PDXDC1: variants seen among roughly 807,000 people sequenced by gnomAD.
PDXDC1 encodes pyridoxal dependent decarboxylase domain containing 1, also known as pyridoxal-dependent decarboxylase domain-containing protein 1.
PDXDC1 carries 42 observed loss-of-function variants against 100.1 expected under a neutral mutation model. The ratio of observed to expected loss-of-function variants is 0.42; its 90% CI spans 0.33 to 0.54. The LOEUF (loss-of-function observed/expected upper bound fraction) is 0.54. Ranked by LOEUF, PDXDC1 falls within the 20% of genes least tolerant of loss-of-function variation. The probability of loss-of-function intolerance (pLI) is 0.10; values close to 1 mark genes in which losing one functional copy is unlikely to be tolerated. For missense variants in PDXDC1, 636 were observed against 979.2 expected (o/e 0.65, Z 4.68); for synonymous variants, 260 against 371.7 (o/e 0.70, Z 3.46).
At chr16:15,149,654 G>A in the PDXDC1 span, among the ~76,000 whole-genome samples, 1 of 152,212 alleles carries the variant, frequency 6.6e-6, no homozygotes, top group African/African-American at 2.4e-5. Flanking sequence ...GCAAGGCCCT[G>A]GGTGCTCCTA....
intron 16 of PDXDC1, among the ~76,000 whole-genome samples, chr16:15,114,953 C>CA (rs1379911293): frequency 1.7e-5 from 2 of 116,108 alleles, no homozygotes; most frequent in East Asian, 2.7e-4. Flanking sequence ...TTTTTTGAGA[C>CA]AGAGTTCTGC....
At chr16:15,008,638 C>A in intron 6 of PDXDC1, 141 bp from the exon 7 acceptor site, 1 of 633,138 alleles carries the variant, frequency 1.6e-6, no homozygotes, top group Non-Finnish European at 2.6e-6. Context: ...ACTTTAACAT[C>A]AATTTATAAT....
downstream of PDXDC1, chr16:15,041,188 T>A: frequency 9.4e-7 from 1 of 1,065,696 alleles, no homozygotes; most frequent in Non-Finnish European, 1.5e-6. Context: ...TTACTTTGTA[T>A]AATAAAGGCG....
chr16:15,092,601 G>A (rs202026072), intron 16 of PDXDC1: 16 of 1,606,820 alleles, frequency 1.0e-5, no homozygotes, highest in Non-Finnish European at 1.2e-5. Context: ...TCTAATGCAC[G>A]CATATTTGAA....
At chr16:15,058,199 C>T (rs1370323463) in intron 16 of PDXDC1, among the ~76,000 whole-genome samples, 13 of 151,960 alleles carry the variant, frequency 8.6e-5, no homozygotes, top group Admixed American at 7.2e-4. Flanking sequence ...CCCAGCTACT[C>T]GGGAGGATCA....
chr16:15,052,466 G>A (rs1280635101), intron 16 of PDXDC1, among the ~76,000 whole-genome samples: 1 of 152,118 alleles, frequency 6.6e-6, no homozygotes, highest in Non-Finnish European at 1.5e-5. Context: ...CTGCTGTCCT[G>A]TTTATCAATT....
At chr16:15,032,203 G>T in intron 17 of PDXDC1, 1 of 395,508 alleles carries the variant, frequency 2.5e-6, no homozygotes, top group Non-Finnish European at 4.6e-6. Context: ...TTACTATCCA[G>T]GGCATATAGA....
Position 15,136,463 on chromosome 16 carries a change from C to T in PDXDC1, c.1400-2416C>T, listed in dbSNP as rs373343631. ...GCGCCACCTGCTCACCAGGGCCGGC[C>T]CAGCTCCCACCTCCCTCCTCCTGAG... On this transcript the variant is annotated intron_variant, in intron 16 of 16. Transcript: ENST00000535621. 346 of 624,060 alleles carry T rather than the reference C, an allele frequency of 5.5e-4. 3 individuals are homozygous for T. The highest frequency in any genetic ancestry group is 5.4e-3 in the East Asian group (195 of 36,434). 38.7% of individuals were successfully genotyped at this position (624,060 alleles called of 1,614,324 possible).
intron 8 of PDXDC1, among the ~76,000 whole-genome samples, chr16:15,013,929 G>A (rs182556198): frequency 1.8e-4 from 28 of 152,048 alleles, no homozygotes; most frequent in Middle Eastern, 3.4e-3. Context: ...TATTTAGGCC[G>A]GGTGCGGTGG....
chr16:15,069,038 T>C (rs1243981046), intron 16 of PDXDC1, among the ~76,000 whole-genome samples: 1 of 152,230 alleles, frequency 6.6e-6, no homozygotes, highest in Non-Finnish European at 1.5e-5. Flanking sequence ...TTACTTACCT[T>C]GTGATAAAAC....
chr16:15,082,391 G>C (rs1048818776), intron 16 of PDXDC1, among the ~76,000 whole-genome samples: 6 of 151,726 alleles, frequency 4.0e-5, no homozygotes, highest in African/African-American at 1.5e-4. Flanking sequence ...ACTCAATCTC[G>C]GCCGGTCACG....
At chr16:14,974,978 G>A, upstream of PDXDC1, 3 of 1,535,156 alleles carry the variant, frequency 2.0e-6, no homozygotes, top group East Asian at 4.9e-5. Context: ...GCCCAGGTAC[G>A]GAATCCCAGA....
chr16:14,980,586 C>T (rs146049991), intron 1 of PDXDC1, among the ~76,000 whole-genome samples: 25 of 152,264 alleles, frequency 1.6e-4, no homozygotes, highest in Non-Finnish European at 2.2e-4. Context: ...CCCAGGTTCA[C>T]GCCATTCTTC....
chr16:15,040,768 G>C (rs2043778693), downstream of PDXDC1, among the ~76,000 whole-genome samples: 1 of 152,172 alleles, frequency 6.6e-6, no homozygotes, highest in South Asian at 2.1e-4. Context: ...TGGGGGGAGA[G>C]GGAAACAAAA....
At chr16:15,098,954 C>T (rs1327713341) in intron 16 of PDXDC1, among the ~76,000 whole-genome samples, 3 of 152,164 alleles carry the variant, frequency 2.0e-5, no homozygotes, top group Non-Finnish European at 2.9e-5. Flanking sequence ...TCTCTCTAGC[C>T]AGTGTCGATT....
intron 16 of PDXDC1, chr16:15,086,113 C>T (rs1467404145): frequency 5.6e-6 from 9 of 1,604,690 alleles, no homozygotes; most frequent in South Asian, 2.2e-5. Flanking sequence ...AAATAAAATT[C>T]CAAGCAATGA....
chr16:15,148,807 G>A, the PDXDC1 span, among the ~76,000 whole-genome samples: 3 of 152,120 alleles, frequency 2.0e-5, no homozygotes, highest in South Asian at 6.2e-4. Context: ...TGCAGTGGGC[G>A]CTCGGGTGCC....
chr16:15,041,788 C>G (rs1303565389), downstream of PDXDC1: 1 of 778,542 alleles, frequency 1.3e-6, no homozygotes, highest in Non-Finnish European at 2.3e-6. Context: ...GTGTGCTCCG[C>G]CCTACAGCCC....
intron 1 of PDXDC1, chr16:14,989,940 C>G (rs1461715876): frequency 6.8e-7 from 1 of 1,471,426 alleles, no homozygotes; most frequent in African/African-American, 1.5e-5. Flanking sequence ...CCGCAGGCCG[C>G]GCCAGGCGCG....
Sources: allele counts gnomAD v4.1 joint callset (sites outside exome capture counted in the v4.1 genomes callset), GRCh38; gene constraint gnomAD v4.1.1; transcripts MANE v1.5; gene names NCBI Gene and HGNC (gene_info 2026-07-23, HGNC 2026-07-21).